HERC1: variants seen among roughly 807,000 people sequenced by gnomAD.
HERC1 encodes the protein HECT and RLD domain containing E3 ubiquitin protein ligase family member 1.
A neutral mutation model predicts 554.3 loss-of-function variants in HERC1; 160 were observed. That is an observed-to-expected ratio of 0.29 (90% CI 0.25 to 0.33). HERC1 has a LOEUF of 0.33. Ranked by LOEUF, HERC1 falls within the 10% of genes least tolerant of loss-of-function variation. The pLI is 1.00. For synonymous variants in HERC1, 2,175 were observed against 2,131.7 expected (o/e 1.02, Z -0.56); for missense variants, 4,919 against 5,918.5 (o/e 0.83, Z 5.54).
At chr15:63,736,191 T>C (rs2074496636) in intron 12 of HERC1, among the ~76,000 whole-genome samples, 1 of 152,190 alleles carries the variant, frequency 6.6e-6, no homozygotes, top group South Asian at 2.1e-4. Flanking sequence ...ACACTTTGAT[T>C]TGTACTGTAG....
At chr15:63,787,242 C>T (rs1018787800) in intron 1 of HERC1, among the ~76,000 whole-genome samples, 13 of 152,122 alleles carry the variant, frequency 8.5e-5, no homozygotes, top group South Asian at 6.2e-4. Context: ...CTGCAACCTC[C>T]GCCTCCAGGA....
At position 63,665,999 on chromosome 15, in the gene HERC1, T is replaced by G; in HGVS notation, c.8475A>C (p.Ser2825=). 10 of 1,614,042 alleles carry G rather than the reference T, an allele frequency of 6.2e-6. No homozygotes were observed. The highest frequency in any genetic ancestry group is 8.5e-6 in the Non-Finnish European group (10 of 1,179,888). ...GTGACTGCAAATAACAGGGATCATTTGACTTCCCGCCACTGCCTAGAACGG... is the reference window on the plus strand; with the variant it reads ...GTGACTGCAAATAACAGGGATCATTGGACTTCCCGCCACTGCCTAGAACGG... ...GAAVLGSGGK[S]NDPCYLQSPG... Residue 2825 remains serine (S), a synonymous_variant, in exon 42 of 78, where the codon TCA becomes TCC. Coordinates refer to ENST00000443617, the MANE Select transcript of HERC1 (RefSeq NM_003922.4).
At chr15:63,633,795 T>C in intron 67 of HERC1, 53 bp downstream of exon 67, 2 of 1,566,332 alleles carry the variant, frequency 1.3e-6, no homozygotes, top group Non-Finnish European at 1.7e-6. Context: ...ACTACTGACA[T>C]AGATGAAAAC....
At chr15:63,656,596 T>A (rs902550980) in intron 48 of HERC1, among the ~76,000 whole-genome samples, 3 of 152,188 alleles carry the variant, frequency 2.0e-5, no homozygotes, top group African/African-American at 4.8e-5. Flanking sequence ...ACTGACAAAG[T>A]AAAACAGGAA....
chr15:63,724,950 C>T (rs1247137553), intron 18 of HERC1, among the ~76,000 whole-genome samples: 1 of 152,180 alleles, frequency 6.6e-6, no homozygotes. Context: ...GTTAAGTACT[C>T]TTACAGTGCT....
At chr15:63,730,571 T>C (rs190128079) in intron 14 of HERC1, among the ~76,000 whole-genome samples, 1 of 152,352 alleles carries the variant, frequency 6.6e-6, no homozygotes, top group Non-Finnish European at 1.5e-5. Flanking sequence ...AAGGACATTA[T>C]AGGGGCAACT....
chr15:63,668,659 G>C (rs947950298), intron 40 of HERC1, among the ~76,000 whole-genome samples: 1 of 151,926 alleles, frequency 6.6e-6, no homozygotes, highest in African/African-American at 2.4e-5. Context: ...GCAGATTTCA[G>C]GGCAAAAAAA....
Position 63,649,798 on chromosome 15 carries a change from A to G in HERC1, c.10674T>C (p.Ser3558=). The part of the protein sequence containing the change: ...ELLLVGRMDG[S]LGLIEVVDVS... ...CATCAACAACTTCAATCAGTCCCAG[A>G]GATCCATCCATCCGTCCCACCAACA... The change falls in exon 54 of 78, where the codon TCT becomes TCC. Residue 3558 remains serine, a synonymous_variant. Transcript: ENST00000443617. 1 of 1,613,774 alleles carries G rather than the reference A, an allele frequency of 6.2e-7. No individual in the cohort carries two copies. Among genetic ancestry groups the G allele is most frequent in the Non-Finnish European group, 8.5e-7 (1 of 1,179,830 alleles).
In HERC1 at chr15:63,658,722, A is replaced by T; in HGVS notation, c.9425-4T>A. 1 of 1,606,422 alleles carries T rather than the reference A, an allele frequency of 6.2e-7. No individual in the cohort carries two copies. The highest frequency in any genetic ancestry group is 8.5e-7 in the Non-Finnish European group (1 of 1,175,456). ...TTTTCTACGGAGCCATGGCAACCTG[A>T]AAAACATAATTCTGTTTTGTTCTCA... On this transcript the variant is annotated splice_polypyrimidine_tract_variant and splice_region_variant and intron_variant, in intron 47 of 77. Transcript: ENST00000443617.
chr15:63,666,325 G>A, intron 41 of HERC1, 31 bp downstream of exon 41: 4 of 1,503,304 alleles, frequency 2.7e-6, no homozygotes, highest in Non-Finnish European at 3.7e-6. Flanking sequence ...TCTCATATCT[G>A]TATACACTGA....
At chr15:63,815,780 T>C (rs960371152) in intron 1 of HERC1, among the ~76,000 whole-genome samples, 1 of 152,118 alleles carries the variant, frequency 6.6e-6, no homozygotes, top group Admixed American at 6.5e-5. Context: ...CTGGGTAATT[T>C]ATAAAGGAAA....
At chr15:63,615,269 T>C (rs982009483) in intron 76 of HERC1, among the ~76,000 whole-genome samples, 9 of 152,126 alleles carry the variant, frequency 5.9e-5, no homozygotes, top group African/African-American at 2.2e-4. Context: ...GCACTGGGTA[T>C]GGAGAAAAAG....
intron 22 of HERC1, among the ~76,000 whole-genome samples, chr15:63,714,511 G>A (rs998290668): frequency 6.6e-6 from 1 of 150,948 alleles, no homozygotes; most frequent in Non-Finnish European, 1.5e-5. Flanking sequence ...CAAATTTGGA[G>A]CGAAGACAGT....
chr15:63,752,497 T>G (rs2075284004), intron 8 of HERC1: 1 of 152,794 alleles, frequency 6.5e-6, no homozygotes, highest in Non-Finnish European at 1.5e-5. Context: ...CTCATAAAAT[T>G]CTGACTATCC....
rs562482745 is a variant in HERC1, at chr15:63,612,135, C to A, written c.14400+116G>T. ...GCTAGGAAGCGGAGGTTGCAGTAAG[C>A]TAAAATCATGCCACTGCACTCCAGC... is the stretch of plus-strand genomic sequence containing the variant. On this transcript the variant is annotated intron_variant, in intron 77 of 77. Transcript: ENST00000443617. This position sits in a 1 kb window ranked among gnomAD's most constrained non-coding sequence, Gnocchi z 5.0. 43 of 933,298 alleles carry A rather than the reference C, an allele frequency of 4.6e-5. No individual in the cohort carries two copies. In the African/African-American group the frequency reaches 6.2e-4, roughly 13 times the overall value. The allele number at this position is 933,298 out of a possible 1,614,324, so 57.8% of individuals were successfully genotyped here. A position where few individuals can be genotyped will look rare whatever the true frequency, so the allele number is the denominator to read the frequency against.
At chr15:63,760,850 C>G (rs1233804384) in intron 3 of HERC1, among the ~76,000 whole-genome samples, 1 of 151,840 alleles carries the variant, frequency 6.6e-6, no homozygotes, top group Non-Finnish European at 1.5e-5. Context: ...GAATATCAAC[C>G]CAGAATGAAT....
At chr15:63,643,581 AATAAAG>A in intron 57 of HERC1, 31 bp from the exon 58 acceptor site, 1 of 1,453,994 alleles carries the variant, frequency 6.9e-7, no homozygotes, top group Non-Finnish European at 9.3e-7. Context: ...CATGCATTAA[AATAAAG>A]ATAAATTATA....
chr15:63,802,599 GT>G (rs957559152), intron 1 of HERC1, among the ~76,000 whole-genome samples: 12 of 150,826 alleles, frequency 8.0e-5, no homozygotes, highest in African/African-American at 3.0e-4. Context: ...AAAGCCAATT[GT>G]TTTTTTTCCA....
chr15:63,785,971 G>A (rs2076428033), intron 1 of HERC1, among the ~76,000 whole-genome samples: 1 of 152,058 alleles, frequency 6.6e-6, no homozygotes, highest in South Asian at 2.1e-4. Context: ...CTCCCAAAGT[G>A]CTGGGATTAC....
Sources: gnomAD v4.1 joint callset for allele counts (sites outside exome capture counted in the v4.1 genomes callset) on GRCh38, gnomAD v4.1.1 for gene constraint, Gnocchi (gnomAD v3.1) non-coding constraint, MANE v1.5 for transcripts, NCBI Gene and HGNC (gene_info 2026-07-23, HGNC 2026-07-21) for gene names.